MALRD1: variants seen among roughly 807,000 people sequenced by gnomAD.
The protein encoded by MALRD1 is MAM and LDL receptor class A domain containing 1.
Under a neutral mutation model 242.1 loss-of-function variants are expected in MALRD1, and 247 were observed. The ratio of observed to expected loss-of-function variants is 1.02; its 90% CI spans 0.92 to 1.13. MALRD1 has a LOEUF of 1.13. Ranked by LOEUF, MALRD1 falls within the 50% of genes most tolerant of loss-of-function variation. MALRD1 has a pLI of 0.00. For synonymous variants in MALRD1, 995 were observed against 866.6 expected (o/e 1.15, Z -2.60); for missense variants, 2,989 against 2,533.1 (o/e 1.18, Z -3.86).
intron 17 of MALRD1, 46 bp from the exon 18 acceptor site, chr10:19,209,221 AT>A: frequency 7.0e-7 from 1 of 1,437,154 alleles, no homozygotes; most frequent in East Asian, 2.5e-5. Context: ...GGTTGCATGT[AT>A]TTTTGTCCCT....
intron 1 of MALRD1, among the ~76,000 whole-genome samples, chr10:19,056,056 C>G (rs1834656500): frequency 6.6e-6 from 1 of 152,068 alleles, no homozygotes; most frequent in Non-Finnish European, 1.5e-5. Flanking sequence ...GTGTATGTGT[C>G]TGTTTTTGCT....
chr10:19,551,506 G>A (rs1835467641), intron 32 of MALRD1, among the ~76,000 whole-genome samples: 1 of 152,134 alleles, frequency 6.6e-6, no homozygotes, highest in South Asian at 2.1e-4. Context: ...CTTTTGCACT[G>A]AGACAGTGGG....
chr10:19,060,018 G>T (rs1834776618), intron 1 of MALRD1, among the ~76,000 whole-genome samples: 2 of 152,200 alleles, frequency 1.3e-5, no homozygotes, highest in African/African-American at 4.8e-5. Flanking sequence ...GTGTTATGTA[G>T]CAGGGTTAAA....
At chr10:19,383,207 C>T (rs1333890387) in intron 26 of MALRD1, among the ~76,000 whole-genome samples, 1 of 152,088 alleles carries the variant, frequency 6.6e-6, no homozygotes, top group East Asian at 1.9e-4. Context: ...CTCTCCCATC[C>T]TCCACCCTCA....
At chr10:19,607,644 G>A in intron 34 of MALRD1, 133 bp from the exon 35 acceptor site, 1 of 1,214,944 alleles carries the variant, frequency 8.2e-7, no homozygotes, top group Non-Finnish European at 1.1e-6. Flanking sequence ...AAAGAACTGT[G>A]TTCTAAAATA....
chr10:19,538,790 TG>T (rs1330005634), intron 32 of MALRD1, among the ~76,000 whole-genome samples: 1 of 151,212 alleles, frequency 6.6e-6, no homozygotes, highest in Non-Finnish European at 1.5e-5. Context: ...TAATTGCTCA[TG>T]AAAAAAAAAA....
chr10:19,322,401 T>G (rs1842944212), intron 21 of MALRD1, among the ~76,000 whole-genome samples: 1 of 152,156 alleles, frequency 6.6e-6, no homozygotes, highest in Non-Finnish European at 1.5e-5. Context: ...ACTTATTTCA[T>G]TAGGAAGAAT....
At position 19,692,192 on chromosome 10, in the gene MALRD1, T is replaced by C. The variant is rs1833103264; in HGVS notation, c.6138-90T>C. On this transcript the variant is annotated intron_variant, in intron 36 of 39. Transcript: ENST00000454679. ...ATGTTCCTAGTATCTCGTTATTTATTGACATTCATGATTTTATCCCATGCC... is the reference window on the plus strand; with the variant it reads ...ATGTTCCTAGTATCTCGTTATTTATCGACATTCATGATTTTATCCCATGCC... 3 of 980,754 alleles carry C rather than the reference T, an allele frequency of 3.1e-6. No homozygotes were observed. The African/African-American group carries it at 5.0e-5, about 16-fold the overall frequency. 60.8% of individuals were successfully genotyped at this position (980,754 alleles called of 1,614,324 possible). A position where few individuals can be genotyped will look rare whatever the true frequency, so the allele number is the denominator to read the frequency against.
chr10:19,255,333 GT>G (rs376199751), intron 18 of MALRD1, among the ~76,000 whole-genome samples: 16 of 151,902 alleles, frequency 1.1e-4, no homozygotes, highest in African/African-American at 3.9e-4. Context: ...TAATGCTTGT[GT>G]TTTGATAATC....
intron 19 of MALRD1, among the ~76,000 whole-genome samples, chr10:19,263,359 T>G (rs1029983726): frequency 1.4e-4 from 22 of 152,348 alleles, no homozygotes; most frequent in African/African-American, 5.3e-4. Context: ...TAATATCTCA[T>G]TGTAGTTTTG....
chr10:19,643,013 G>A (rs1840464596), intron 36 of MALRD1, among the ~76,000 whole-genome samples: 2 of 152,136 alleles, frequency 1.3e-5, no homozygotes, highest in South Asian at 2.1e-4. Flanking sequence ...TAGTTTGAAC[G>A]TTGCCATCTT....
At position 19,692,546 on chromosome 10, in the gene MALRD1, A is replaced by C. The variant is rs539452624; in HGVS notation, c.6306A>C (p.Val2102=). 1 of 1,534,844 alleles carries C rather than the reference A, an allele frequency of 6.5e-7. No homozygotes were observed. The highest frequency in any genetic ancestry group is 8.7e-7 in the Non-Finnish European group (1 of 1,145,804). The change falls in exon 38 of 40, where the codon GTA becomes GTC. Residue 2102 remains valine (V), a synonymous_variant. Coordinates refer to ENST00000454679, the MANE Select transcript of MALRD1 (RefSeq NM_001142308.3). ...TGTGTTTTCTTGCAAACAGAAAGGT[A>C]CCAATAAGGTAAGTGATGCCTTTAG... The part of the protein sequence containing the change: ...AVLCFLANRK[V]PIRKTEGSGN...
At chr10:19,582,044 C>A (rs1399535018) in intron 33 of MALRD1, among the ~76,000 whole-genome samples, 1 of 152,000 alleles carries the variant, frequency 6.6e-6, no homozygotes, top group East Asian at 1.9e-4. Context: ...CTGTTCATGT[C>A]CTTTGCCCAC....
intron 26 of MALRD1, among the ~76,000 whole-genome samples, chr10:19,364,992 A>G (rs1400740891): frequency 6.6e-6 from 1 of 152,122 alleles, no homozygotes; most frequent in East Asian, 1.9e-4. Flanking sequence ...ACCTGCCACC[A>G]CATCATCTGC....
Position 19,369,571 on chromosome 10 carries a change from A to C in MALRD1, c.4441+17274A>C, listed in dbSNP as rs567991155. ...AAATATATTTACATATAATATGCAA[A>C]TATGTGAATATATCCATATAAATAT... On this transcript the variant is annotated intron_variant, in intron 26 of 39. Coordinates refer to ENST00000454679, the MANE Select transcript of MALRD1 (RefSeq NM_001142308.3). 8.7e-5 allele frequency among the ~76,000 whole-genome samples: 13 copies of C among 149,384 alleles called. No individual in the cohort carries two copies. The East Asian group carries it at 2.1e-3, about 25-fold the overall frequency.
intron 36 of MALRD1, among the ~76,000 whole-genome samples, chr10:19,684,350 C>T (rs1842489882): frequency 6.6e-6 from 1 of 152,168 alleles, no homozygotes; most frequent in Non-Finnish European, 1.5e-5. Flanking sequence ...ATAACAAGTG[C>T]TCAATAAATA....
At chr10:19,544,042 G>A (rs1835098851) in intron 32 of MALRD1, among the ~76,000 whole-genome samples, 1 of 151,586 alleles carries the variant, frequency 6.6e-6, no homozygotes, top group Non-Finnish European at 1.5e-5. Flanking sequence ...CACACAATCT[G>A]AGCTTCTAGT....
At chr10:19,311,291 A>G (rs1842413307) in intron 21 of MALRD1, among the ~76,000 whole-genome samples, 1 of 151,556 alleles carries the variant, frequency 6.6e-6, no homozygotes, top group African/African-American at 2.4e-5. Context: ...GAAGTTTCTT[A>G]TAAAAAAAGA....
At chr10:19,524,824 C>T (rs905649443) in intron 31 of MALRD1, among the ~76,000 whole-genome samples, 1 of 152,054 alleles carries the variant, frequency 6.6e-6, no homozygotes, top group Non-Finnish European at 1.5e-5. Context: ...TTCCTTAGTG[C>T]AGTAAGTATG....
Sources: gnomAD v4.1 joint callset for allele counts (sites outside exome capture counted in the v4.1 genomes callset) on GRCh38, gnomAD v4.1.1 for gene constraint, MANE v1.5 for transcripts, NCBI Gene and HGNC (gene_info 2026-07-23, HGNC 2026-07-21) for gene names.